The following REEP1 variants were observed in gnomAD, a reference collection of about 807,000 sequenced individuals.
REEP1 encodes receptor expression-enhancing protein 1.
REEP1 carries 22 observed loss-of-function variants against 40.3 expected under a neutral mutation model. The observed-to-expected ratio is 0.55, with a 90% CI of 0.39 to 0.78. The LOEUF is 0.78. Among genes scored for constraint, REEP1 ranks in the 30% least tolerant of loss-of-function variants. The pLI is 0.00. For missense variants in REEP1, 280 were observed against 361.1 expected (o/e 0.78, Z 1.82); for synonymous variants, 116 against 139.2 (o/e 0.83, Z 1.17).
chr2:86,301,715 C>T (rs1679263202), intron 1 of REEP1, among the ~76,000 whole-genome samples: 1 of 152,222 alleles, frequency 6.6e-6, no homozygotes, highest in Non-Finnish European at 1.5e-5. Flanking sequence ...TTGATTAGGG[C>T]TCACTTTATT....
At chr2:86,316,597 G>A (rs1425404917) in intron 1 of REEP1, among the ~76,000 whole-genome samples, 3 of 148,250 alleles carry the variant, frequency 2.0e-5, no homozygotes, top group Admixed American at 1.4e-4. Context: ...GGTGGCTCAT[G>A]CCTGTAATCC....
chr2:86,333,068 C>T (rs1680850261), intron 1 of REEP1, among the ~76,000 whole-genome samples: 1 of 152,198 alleles, frequency 6.6e-6, no homozygotes, highest in Admixed American at 6.5e-5. Context: ...TCAACCGAAA[C>T]ATTTACCCAG....
chr2:86,284,301 T>C (rs1678266482), intron 1 of REEP1, among the ~76,000 whole-genome samples: 1 of 151,926 alleles, frequency 6.6e-6, no homozygotes, highest in African/African-American at 2.4e-5. Context: ...TTAGCTCTTG[T>C]CCACTGTATC....
At chr2:86,274,912 G>A (rs1156614737) in intron 2 of REEP1, among the ~76,000 whole-genome samples, 1 of 152,148 alleles carries the variant, frequency 6.6e-6, no homozygotes, top group Non-Finnish European at 1.5e-5. Flanking sequence ...ATGAGCCACA[G>A]CAGCTGGCTG....
chr2:86,291,632 C>T (rs1201876788), intron 1 of REEP1, among the ~76,000 whole-genome samples: 2 of 151,982 alleles, frequency 1.3e-5, no homozygotes, highest in African/African-American at 4.8e-5. Flanking sequence ...GGATTACTTT[C>T]CCAGTTTACA....
intron 3 of REEP1, among the ~76,000 whole-genome samples, chr2:86,255,448 A>G (rs999583671): frequency 1.3e-5 from 2 of 152,194 alleles, no homozygotes; most frequent in African/African-American, 4.8e-5. Flanking sequence ...AGAAGAGTCC[A>G]CGGTGCAGAT....
At chr2:86,330,483 T>C (rs1054382052) in intron 1 of REEP1, among the ~76,000 whole-genome samples, 3 of 151,338 alleles carry the variant, frequency 2.0e-5, no homozygotes, top group Non-Finnish European at 4.4e-5. Context: ...TCTCACTCTG[T>C]TGCTCAGGCT....
chr2:86,274,747 C>A (rs1398371076), intron 2 of REEP1, among the ~76,000 whole-genome samples: 1 of 152,160 alleles, frequency 6.6e-6, no homozygotes, highest in East Asian at 1.9e-4. Flanking sequence ...GAGTAACTCT[C>A]CTGGACAAAT....
intron 1 of REEP1, among the ~76,000 whole-genome samples, chr2:86,310,535 C>T (rs1290680859): frequency 6.6e-6 from 1 of 151,972 alleles, no homozygotes; most frequent in African/African-American, 2.4e-5. Flanking sequence ...CAGAACATAC[C>T]CCTATTATTA....
At chr2:86,279,441 C>T (rs1412727509) in intron 2 of REEP1, among the ~76,000 whole-genome samples, 1 of 152,188 alleles carries the variant, frequency 6.6e-6, no homozygotes, top group Non-Finnish European at 1.5e-5. Flanking sequence ...AGTGGGAAAG[C>T]AGGGACAGGA....
intron 1 of REEP1, among the ~76,000 whole-genome samples, chr2:86,332,211 TC>T (rs1680800541): frequency 2.0e-5 from 3 of 152,150 alleles, no homozygotes; most frequent in South Asian, 4.2e-4. Context: ...CCAATTCCCT[TC>T]CCAAGGCCCA....
At chr2:86,236,352 A>G (rs1675323100) in intron 5 of REEP1, among the ~76,000 whole-genome samples, 1 of 152,222 alleles carries the variant, frequency 6.6e-6, no homozygotes. Context: ...GCTCTGCAGA[A>G]TCTTTGTTAT....
intron 1 of REEP1, among the ~76,000 whole-genome samples, chr2:86,328,068 ACG>A (rs774340075): frequency 1.3e-5 from 2 of 152,098 alleles, no homozygotes; most frequent in Non-Finnish European, 2.9e-5. Context: ...ATTCCACAAC[ACG>A]CAGCCTGAAG....
intron 1 of REEP1, among the ~76,000 whole-genome samples, chr2:86,292,324 T>G (rs1678754752): frequency 6.6e-6 from 1 of 152,202 alleles, no homozygotes; most frequent in African/African-American, 2.4e-5. Flanking sequence ...AAACAGTAAC[T>G]GCAAATGCCA....
intron 5 of REEP1, among the ~76,000 whole-genome samples, chr2:86,245,926 G>A (rs950888882): frequency 1.6e-4 from 25 of 151,984 alleles, no homozygotes; most frequent in African/African-American, 5.1e-4. Flanking sequence ...CACCACGCCC[G>A]GCTAATTTTT....
At chr2:86,304,163 G>C in intron 1 of REEP1, among the ~76,000 whole-genome samples, 1 of 152,140 alleles carries the variant, frequency 6.6e-6, no homozygotes, top group Middle Eastern at 3.2e-3. Context: ...GGTGGGTGAA[G>C]AGCCATTCGC....
intron 3 of REEP1, among the ~76,000 whole-genome samples, chr2:86,255,893 G>A (rs1162300343): frequency 6.6e-6 from 1 of 152,130 alleles, no homozygotes; most frequent in Admixed American, 6.5e-5. Context: ...CAGATATCTT[G>A]TGCTGTGAAC....
At chr2:86,283,324 C>T (rs112834898) in intron 1 of REEP1, among the ~76,000 whole-genome samples, 132 of 152,236 alleles carry the variant, frequency 8.7e-4, no homozygotes, top group Middle Eastern at 3.4e-3. Flanking sequence ...ATCTTTTCAC[C>T]TGACAGATGA....
chr2:86,254,664 A>T (rs1377378544), intron 4 of REEP1, 30 bp downstream of exon 4: 9 of 1,607,142 alleles, frequency 5.6e-6, no homozygotes, highest in Non-Finnish European at 7.7e-6. Flanking sequence ...ACTTGCTAGA[A>T]AGAATGAAAG....
Sources: gnomAD v4.1 joint callset for allele counts (sites outside exome capture counted in the v4.1 genomes callset) on GRCh38, gnomAD v4.1.1 for gene constraint, MANE v1.5 for transcripts, NCBI Gene and HGNC (gene_info 2026-07-23, HGNC 2026-07-21) for gene names.